SSBP2: variants seen among roughly 807,000 people sequenced by gnomAD.
The protein encoded by SSBP2 is single-stranded DNA-binding protein 2.
Under a neutral mutation model 61.8 loss-of-function variants are expected in SSBP2, and 17 were observed. That is an observed-to-expected ratio of 0.28 (90% CI 0.19 to 0.41). The LOEUF is 0.41. Ranked by LOEUF, SSBP2 falls within the 10% of genes least tolerant of loss-of-function variation. The pLI is 1.00. For missense variants in SSBP2, 310 were observed against 458.7 expected (o/e 0.68, Z 2.96); for synonymous variants, 139 against 141.3 (o/e 0.98, Z 0.12).
intron 4 of SSBP2, among the ~76,000 whole-genome samples, chr5:81,570,535 C>T (rs2972243): frequency 0.22 from 34,039 of 152,080 alleles, 4,894 homozygotes; most frequent in Middle Eastern, 0.36. Context: ...AGTACAGTGA[C>T]GACCAATCAG....
intron 4 of SSBP2, among the ~76,000 whole-genome samples, chr5:81,515,190 C>G (rs1768924007): frequency 6.6e-6 from 1 of 151,872 alleles, no homozygotes; most frequent in South Asian, 2.1e-4. Flanking sequence ...AAAATATCAT[C>G]AAACACAACC....
chr5:81,580,031 A>G (rs1187522967), intron 4 of SSBP2, among the ~76,000 whole-genome samples: 5 of 152,072 alleles, frequency 3.3e-5, no homozygotes, highest in Non-Finnish European at 7.4e-5. Flanking sequence ...GTATTAATGA[A>G]ACAAACTATT....
At chr5:81,751,251 G>A (rs994742160), upstream of SSBP2, 2 of 592,420 alleles carry the variant, frequency 3.4e-6, no homozygotes, top group East Asian at 5.8e-5. Flanking sequence ...TGGCGGCTAA[G>A]CCTCAGCGGC....
chr5:81,676,801 A>C (rs1752022416), intron 1 of SSBP2, among the ~76,000 whole-genome samples: 1 of 152,234 alleles, frequency 6.6e-6, no homozygotes, highest in Non-Finnish European at 1.5e-5. Context: ...ATACTAGAAA[A>C]AAATACAAAT....
chr5:81,492,686 A>G lies in SSBP2; in HGVS notation c.373-3377T>C, dbSNP rs765159164. Among the ~76,000 whole-genome samples, 55 of 151,942 alleles carry G rather than the reference A, an allele frequency of 3.6e-4. 1 individual carries two copies. The highest frequency in any genetic ancestry group is 5.1e-4 in the Non-Finnish European group (35 of 67,994). On this transcript the variant is annotated intron_variant, in intron 5 of 16. Coordinates refer to ENST00000320672, the MANE Select transcript of SSBP2 (RefSeq NM_012446.5). The stretch of plus-strand genomic sequence containing the variant: ...AAAAAAGCCTTCCCCAGAAAGGATT[A>G]TTTGTAATGTGTGTGGAAATAACAT...
chr5:81,714,381 CTT>C (rs1434885877), intron 1 of SSBP2, among the ~76,000 whole-genome samples: 8 of 152,056 alleles, frequency 5.3e-5, no homozygotes, highest in Non-Finnish European at 5.9e-5. Context: ...GTGCATGTGC[CTT>C]TATAGTAGAA....
At chr5:81,564,564 GAAGAAGTATCTTATCCA>G (rs1195047386) in intron 4 of SSBP2, among the ~76,000 whole-genome samples, 1 of 152,188 alleles carries the variant, frequency 6.6e-6, no homozygotes, top group Non-Finnish European at 1.5e-5. Flanking sequence ...GATTAGTCCA[GAAGAAGTATCTTATCCA>G]AAGCAGCCTA....
intron 10 of SSBP2, among the ~76,000 whole-genome samples, chr5:81,453,857 A>G (rs1763949955): frequency 6.6e-6 from 1 of 152,202 alleles, no homozygotes; most frequent in African/African-American, 2.4e-5. Context: ...AACTAAAGAA[A>G]CATTATTAAA....
At chr5:81,429,821 T>C (rs3805726) in intron 15 of SSBP2, among the ~76,000 whole-genome samples, 67,935 of 151,994 alleles carry the variant, frequency 0.45, 19,158 homozygotes, top group African/African-American at 0.81. Context: ...AAAGCAGAGA[T>C]AGATAGATGA....
intron 1 of SSBP2, among the ~76,000 whole-genome samples, chr5:81,685,337 A>G (rs1284453479): frequency 6.6e-6 from 1 of 152,216 alleles, no homozygotes; most frequent in Non-Finnish European, 1.5e-5. Flanking sequence ...CTGATAGGAT[A>G]TATAAGAATG....
chr5:81,751,605 C>G (rs751739215), upstream of SSBP2: 20 of 160,350 alleles, frequency 1.2e-4, no homozygotes, highest in Non-Finnish European at 1.5e-4. Context: ...CTCAGCCGCC[C>G]TGGGGCCCCC....
chr5:81,655,022 C>T (rs1353311382), intron 1 of SSBP2, among the ~76,000 whole-genome samples: 1 of 151,906 alleles, frequency 6.6e-6, no homozygotes, highest in Non-Finnish European at 1.5e-5. Context: ...GTATGGCTCA[C>T]ACCTGCAGTC....
At chr5:81,750,282 C>CG (rs1313696355) in intron 1 of SSBP2, among the ~76,000 whole-genome samples, 2 of 142,652 alleles carry the variant, frequency 1.4e-5, no homozygotes, top group Non-Finnish European at 3.1e-5. Context: ...CCGCGATGCG[C>CG]GGGGGACTGC....
intron 13 of SSBP2, among the ~76,000 whole-genome samples, chr5:81,442,381 A>G (rs1299392311): frequency 6.6e-6 from 1 of 152,116 alleles, no homozygotes; most frequent in Non-Finnish European, 1.5e-5. Context: ...CAAATAGTAT[A>G]TATCATTAAT....
At chr5:81,473,109 C>T (rs980426464) in intron 8 of SSBP2, among the ~76,000 whole-genome samples, 1 of 152,154 alleles carries the variant, frequency 6.6e-6, no homozygotes, top group African/African-American at 2.4e-5. Flanking sequence ...AGTCTAACAA[C>T]TATGTTACAT....
chr5:81,604,819 A>G lies in SSBP2; in HGVS notation c.282+10654T>C, dbSNP rs1016562544. ...TAAATTAAGTGTTTCAATTCATAAT[A>G]CAAAACAAAATCTTAATTTCTTTAA... is the stretch of plus-strand genomic sequence containing the variant. On this transcript the variant is annotated intron_variant, in intron 4 of 16. Coordinates refer to ENST00000320672, the MANE Select transcript of SSBP2 (RefSeq NM_012446.5). Among the ~76,000 whole-genome samples, 5 of 152,280 alleles carry G rather than the reference A, an allele frequency of 3.3e-5. No individual in the cohort carries two copies. The East Asian group carries it at 9.6e-4, about 29-fold the overall frequency.
At chr5:81,513,586 T>C (rs567184348) in intron 5 of SSBP2, 42 bp downstream of exon 5, 2 of 1,191,790 alleles carry the variant, frequency 1.7e-6, no homozygotes, top group East Asian at 4.7e-5. Context: ...CAAACAGGAG[T>C]TCCTATGCTT....
At chr5:81,545,578 A>G (rs545975527) in intron 4 of SSBP2, among the ~76,000 whole-genome samples, 1 of 152,208 alleles carries the variant, frequency 6.6e-6, no homozygotes, top group Non-Finnish European at 1.5e-5. Flanking sequence ...AGTATACACA[A>G]CAACTGAGAT....
intron 4 of SSBP2, among the ~76,000 whole-genome samples, chr5:81,568,485 G>A (rs1251041079): frequency 6.6e-6 from 1 of 152,086 alleles, no homozygotes; most frequent in Non-Finnish European, 1.5e-5. Context: ...GCCCAGTCTT[G>A]GGTATGTCGT....
Sources: gnomAD v4.1 joint callset for allele counts (sites outside exome capture counted in the v4.1 genomes callset) on GRCh38, gnomAD v4.1.1 for gene constraint, MANE v1.5 for transcripts, NCBI Gene and HGNC (gene_info 2026-07-23, HGNC 2026-07-21) for gene names.